The following MBTPS2 variants were observed in gnomAD, a reference collection of about 807,000 sequenced individuals.
MBTPS2 encodes membrane-bound transcription factor site-2 protease.
Under a neutral mutation model 35.4 loss-of-function variants are expected in MBTPS2, and 2 were observed. That is an observed-to-expected ratio of 0.06 (90% confidence interval 0.02 to 0.18). The LOEUF (loss-of-function observed/expected upper bound fraction) is 0.18, where lower values mean the gene tolerates loss of function less well. Among genes scored for constraint, MBTPS2 ranks in the 10% least tolerant of loss-of-function variants. The pLI, the probability that MBTPS2 is intolerant of heterozygous loss-of-function variation, is 1.00. For missense variants in MBTPS2, 244 were observed against 386.5 expected (o/e 0.63, Z 3.09); for synonymous variants, 125 against 140.4 (o/e 0.89, Z 0.77).
At chrX:21,860,106 AAAG>A (rs1247767279) in intron 5 of MBTPS2, among the ~76,000 whole-genome samples, 6 of 104,158 alleles carry the variant, frequency 5.8e-5, no homozygotes, top group Admixed American at 1.0e-4. Flanking sequence ...AAAAAAAAAA[AAAG>A]AGAAAAAGGG....
chrX:21,875,823 G>T (rs1199391528), intron 7 of MBTPS2, among the ~76,000 whole-genome samples: 1 of 112,103 alleles, frequency 8.9e-6, no homozygotes, highest in Non-Finnish European at 1.9e-5. Flanking sequence ...ATGAAGGCAG[G>T]TTTCACAGCA....
intron 7 of MBTPS2, chrX:21,871,932 C>T (rs888661350): frequency 2.8e-5 from 3 of 108,663 alleles, no homozygotes; most frequent in African/African-American, 1.0e-4. Flanking sequence ...TCATAAACAG[C>T]GCTTGGTACT....
intron 5 of MBTPS2, chrX:21,856,323 C>T (rs1264028968): frequency 2.1e-6 from 1 of 481,704 alleles, no homozygotes; most frequent in Non-Finnish European, 3.5e-6. Flanking sequence ...CAGCTCGCGC[C>T]TTTCTCTGCA....
intron 9 of MBTPS2, among the ~76,000 whole-genome samples, chrX:21,879,946 A>ATTTTTTTTTTTTTT (rs1569329172): frequency 1.7e-4 from 7 of 40,539 alleles, no homozygotes; most frequent in Admixed American, 6.2e-4. Context: ...GTTTTATGTT[A>ATTTTTTTTTTTTTT]TTCTTTTTTT....
chrX:21,872,915 T>C (rs956496331), intron 7 of MBTPS2: 1 of 110,152 alleles, frequency 9.1e-6, no homozygotes. Context: ...TCTAGGTAAC[T>C]TCGTTATCCT....
chrX:21,881,440 ATTGTGG>A (rs1012367198), intron 10 of MBTPS2, among the ~76,000 whole-genome samples: 9 of 111,881 alleles, frequency 8.0e-5, no homozygotes, highest in African/African-American at 2.3e-4. Context: ...GCCAAATCTT[ATTGTGG>A]TCTTTCGCAT....
chrX:21,839,711 CCCTCCTCTG>C lies in MBTPS2; in HGVS notation c.-21_-13del. ...GGAGGAGGACGCCGGGGCTCGCCTT[CCCTCCTCTG>C]CCGCCGCTGCCGCCATGATTCCGGT... On this transcript the variant is annotated 5_prime_UTR_variant, in exon 1 of 11. Transcript: ENST00000379484. The C allele has an allele frequency of 1.0e-5, 12 of 1,169,272 alleles. No individual in the cohort carries two copies. Among genetic ancestry groups the C allele is most frequent in the Non-Finnish European group, 1.4e-5 (12 of 872,631 alleles).
At position 21,885,173 on chromosome X, in the gene MBTPS2, C is replaced by G. The variant is rs1368533681; in HGVS notation, c.*2518C>G. 1.3e-6 allele frequency: 1 copy of G among 752,066 alleles called. No homozygotes were observed. Among genetic ancestry groups the G allele is most frequent in the Non-Finnish European group, 1.6e-6 (1 of 638,672 alleles). The allele number at this position is 752,066 out of a possible 1,213,427, so 62.0% of individuals were successfully genotyped here. A position where few individuals can be genotyped will look rare whatever the true frequency, so the allele number is the denominator to read the frequency against. ...TAAACTTGACCTTTTGATAATCGCT[C>G]TTACAGGTCATTGTCTGTTCTAACA... On this transcript the variant is annotated 3_prime_UTR_variant, in exon 11 of 11. Coordinates refer to ENST00000379484, the MANE Select transcript of MBTPS2 (RefSeq NM_015884.4).
chrX:21,839,839 C>T (rs1213670803), intron 1 of MBTPS2, 30 bp downstream of exon 1: 6 of 1,155,935 alleles, frequency 5.2e-6, no homozygotes, highest in East Asian at 3.1e-5. Context: ...GGTCCAAGCC[C>T]GCGGTGCCCA....
chrX:21,866,758 G>A (rs1471026367), intron 5 of MBTPS2, among the ~76,000 whole-genome samples: 1 of 110,869 alleles, frequency 9.0e-6, no homozygotes, highest in African/African-American at 3.3e-5. Flanking sequence ...CAGGCGTAGT[G>A]GCTCACACCT....
chrX:21,885,369 C>T lies in MBTPS2; in HGVS notation c.*2714C>T, dbSNP rs757260556. On this transcript the variant is annotated 3_prime_UTR_variant, in exon 11 of 11. Coordinates refer to ENST00000379484, the MANE Select transcript of MBTPS2 (RefSeq NM_015884.4). ...TTTAACTTGAAGGTATCGTAATTGC[C>T]GGCATTTGATGTTTAGCAATAAAAG... 2.4e-5 allele frequency: 18 copies of T among 747,618 alleles called. No homozygotes were observed. The highest frequency in any genetic ancestry group is 9.3e-5 in the African/African-American group (4 of 43,142). 61.6% of individuals were successfully genotyped at this position (747,618 alleles called of 1,213,427 possible).
chrX:21,856,843 T>G, intron 5 of MBTPS2: 3 of 1,211,575 alleles, frequency 2.5e-6, no homozygotes, highest in Non-Finnish European at 3.4e-6. Context: ...CAGATGACCC[T>G]GGCCTCTCTG....
In MBTPS2 at chrX:21,884,836, T is replaced by C. The variant is rs2092962958; in HGVS notation, c.*2181T>C. ...TTCTATTTAAGTAAGCTGTAAAAAG[T>C]ATTATTGAATATTTACTGTAAATAT... is the stretch of plus-strand genomic sequence containing the variant. On this transcript the variant is annotated 3_prime_UTR_variant, in exon 11 of 11. Coordinates refer to ENST00000379484, the MANE Select transcript of MBTPS2 (RefSeq NM_015884.4). 2 of 693,388 alleles carry C rather than the reference T, an allele frequency of 2.9e-6. No homozygotes were observed. Among genetic ancestry groups the C allele is most frequent in the South Asian group, 1.5e-4 (2 of 13,488 alleles). 57.1% of individuals were successfully genotyped at this position (693,388 alleles called of 1,213,427 possible). A position where few individuals can be genotyped will look rare whatever the true frequency, so the allele number is the denominator to read the frequency against.
At chrX:21,857,620 C>T (rs747226184) in intron 5 of MBTPS2, 2 of 1,184,081 alleles carry the variant, frequency 1.7e-6, no homozygotes, top group Non-Finnish European at 2.3e-6. Flanking sequence ...GAAGACCCCT[C>T]TCAGACTTGG....
At chrX:21,860,321 G>A (rs1180711693) in intron 5 of MBTPS2, among the ~76,000 whole-genome samples, 1 of 111,113 alleles carries the variant, frequency 9.0e-6, no homozygotes, top group Non-Finnish European at 1.9e-5. Flanking sequence ...GCTGAGGCAG[G>A]AGAATCGCTT....
intron 3 of MBTPS2, 109 bp from the exon 4 acceptor site, chrX:21,851,400 C>T (rs1040615777): frequency 3.2e-5 from 18 of 557,182 alleles, no homozygotes; most frequent in Non-Finnish European, 5.9e-5. Context: ...GTTTGCAGAA[C>T]ATTCAGCTTG....
In MBTPS2 at chrX:21,878,678, A is replaced by G; in HGVS notation, c.1247A>G (p.His416Arg). The change falls in exon 9 of 11, where the codon CAT becomes CGT. Residue 416 changes from histidine (H) to arginine (R), a missense_variant. Physicochemically the swap from His to Arg is conservative, Grantham distance 29. Coordinates refer to ENST00000379484, the MANE Select transcript of MBTPS2 (RefSeq NM_015884.4). ...ATGTTATACGTAGGACATCCTCTGC[A>G]TCTTCACTACACAGGTGAGTATTTT... ...IDMLYVGHPL[H>R]LHYTVSITSF... The G allele has an allele frequency of 8.3e-7, 1 of 1,198,466 alleles. No individual in the cohort carries two copies. The highest frequency in any genetic ancestry group is 1.1e-6 in the Non-Finnish European group (1 of 883,390).
intron 3 of MBTPS2, among the ~76,000 whole-genome samples, chrX:21,845,956 T>C (rs2092908229): frequency 8.9e-6 from 1 of 112,230 alleles, no homozygotes; most frequent in African/African-American, 3.2e-5. Flanking sequence ...ATTGGCTCAC[T>C]TTTATTTCAC....
chrX:21,856,553 C>T, intron 5 of MBTPS2: 2 of 1,211,695 alleles, frequency 1.7e-6, no homozygotes, highest in Non-Finnish European at 2.2e-6. Context: ...TGGAGCTCCA[C>T]GACATCAATG....
Sources: allele counts gnomAD v4.1 joint callset (sites outside exome capture counted in the v4.1 genomes callset), GRCh38; gene constraint gnomAD v4.1.1; transcripts MANE v1.5; gene names NCBI Gene and HGNC (gene_info 2026-07-23, HGNC 2026-07-21).